Variants in CGN observed in about 807,000 individuals in gnomAD.
CGN encodes cingulin.
Under a neutral mutation model 157.1 loss-of-function variants are expected in CGN, and 121 were observed. That is an observed-to-expected ratio of 0.77 (90% CI 0.66 to 0.90). The LOEUF is 0.90. Ranked by LOEUF, CGN falls within the 40% of genes least tolerant of loss-of-function variation. The pLI, the probability that CGN is intolerant of heterozygous loss-of-function variation, is 0.00. For missense variants in CGN, 1,424 were observed against 1,520.9 expected (o/e 0.94, Z 1.06); for synonymous variants, 535 against 607.5 (o/e 0.88, Z 1.76).
At chr1:151,526,911 C>T in intron 9 of CGN, 64 bp from the exon 10 acceptor site, 2 of 1,602,284 alleles carry the variant, frequency 1.2e-6, no homozygotes, top group Non-Finnish European at 1.7e-6. Context: ...GTCATGCTAA[C>T]CTCCCCCAGG....
At chr1:151,520,134 C>T (rs929766325) in intron 2 of CGN, 32 bp from the exon 3 acceptor site, 3 of 1,398,496 alleles carry the variant, frequency 2.1e-6, no homozygotes, top group Middle Eastern at 2.1e-4. Flanking sequence ...TTCTTTCTTT[C>T]TTTTTTTTTT....
Position 151,526,093 on chromosome 1 carries a change from G to A in CGN, c.1763+303G>A, listed in dbSNP as rs191456269. Among the ~76,000 whole-genome samples the A allele has an allele frequency of 3.4e-4, 52 of 151,574 alleles. 1 individual carries two copies. The East Asian group carries it at 8.9e-3, about 26-fold the overall frequency. On this transcript the variant is annotated intron_variant, in intron 9 of 20. Transcript: ENST00000271636. ...TTACCATGTTGGCCAGGCCAGTCTC[G>A]AACTCCTGACCTCAGGTGATCTGTC...
rs1461752898 is a variant in CGN at position 151,525,770 on chromosome 1, TC to T, written c.1744del (p.Arg583GlufsTer25). 1.9e-6 allele frequency: 3 copies of T among 1,603,892 alleles called. No individual in the cohort carries two copies. In the Admixed American group the frequency reaches 5.1e-5, roughly 27 times the overall value. ...GTATGTTCCAGAAGAACAAGGAGGA[TC>T]TTAGAGCCACCAAGCAGGAGTAAGG... ...QSMFQKNKED[L>X]RATKQELLQL... On this transcript the variant is annotated frameshift_variant, in exon 9 of 21. Transcript: ENST00000271636. LOFTEE classifies it high-confidence loss of function.
Position 151,529,403 on chromosome 1 carries a change from C to G in CGN, c.1950C>G (p.Ser650Arg), listed in dbSNP as rs1190497081. Reference sequence around the variant, plus strand: ...AGGAACTGCAGGCAGAACGGCAGAGCCAGGAGGTGGCTGGGCGACACCGGG... The same window carrying G: ...AGGAACTGCAGGCAGAACGGCAGAGGCAGGAGGTGGCTGGGCGACACCGGG... ...ELKELQAERQSQEVAGRHRDR... is the reference protein window; with the variant it reads ...ELKELQAERQRQEVAGRHRDR... The change falls in exon 11 of 21, where the codon AGC (serine) becomes AGG (arginine). Residue 650 changes from serine to arginine, a missense_variant. Physicochemically the swap from Ser to Arg is moderately radical, Grantham distance 110. Coordinates refer to ENST00000271636, the MANE Select transcript of CGN (RefSeq NM_020770.3). The G allele has an allele frequency of 1.9e-6, 3 of 1,613,368 alleles. No individual in the cohort carries two copies. The highest frequency in any genetic ancestry group is 2.5e-6 in the Non-Finnish European group (3 of 1,179,790).
At chr1:151,535,989 A>C (rs185364455) in intron 18 of CGN, 91 bp downstream of exon 18, 1 of 1,009,130 alleles carries the variant, frequency 9.9e-7, no homozygotes, top group Non-Finnish European at 1.5e-6. Flanking sequence ...TCCATCTTCC[A>C]CCTCAGATAT....
At chr1:151,519,512 C>T (rs1664492728) in intron 2 of CGN, 120 bp downstream of exon 2, 2 of 853,572 alleles carry the variant, frequency 2.3e-6, no homozygotes, top group East Asian at 2.7e-5. Context: ...AACTCTCTGC[C>T]TTTTGTTCTC....
rs1664285607 is a variant in CGN, at chr1:151,511,442, G to GCCCGAA, written c.-83_-82insACCCGA. ...GAGCTGCGCGTGCTGCTTTGCCCGA[G>GCCCGAA]CCCGAGCCCGAGCCCGAGCCCGAGC... On this transcript the variant is annotated 5_prime_UTR_variant, in exon 1 of 21. Transcript: ENST00000271636. The surrounding 1 kb of genome is among the most constrained non-coding windows in gnomAD (Gnocchi z 4.8). The GCCCGAA allele has an allele frequency of 1.2e-5, 2 of 171,156 alleles. No homozygotes were observed. Among genetic ancestry groups the GCCCGAA allele is most frequent in the South Asian group, 2.0e-4 (2 of 10,036 alleles). The allele number at this position is 171,156 out of a possible 1,614,324, so 10.6% of individuals were successfully genotyped here.
In CGN at chr1:151,532,558, CG is replaced by C; in HGVS notation, c.2729del (p.Arg910HisfsTer55). On this transcript the variant is annotated frameshift_variant, in exon 14 of 21. Transcript: ENST00000271636. LOFTEE classifies it high-confidence loss of function. The part of the protein sequence containing the change: ...EAEKTSGGLS[R>X]LQDEIQRLRQ... ...TGAGAAGACCTCTGGAGGACTGAGC[CG>C]ACTTCAGGATGAGGTAGAAGTCTAA... 6.5e-7 allele frequency: 1 copy of C among 1,542,498 alleles called. No homozygotes were observed. Among genetic ancestry groups the C allele is most frequent in the South Asian group, 1.2e-5 (1 of 81,210 alleles).
chr1:151,535,132 G>A lies in CGN; in HGVS notation c.2994+1G>A. The A allele has an allele frequency of 6.2e-7, 1 of 1,612,326 alleles. No individual in the cohort carries two copies. The highest frequency in any genetic ancestry group is 8.5e-7 in the Non-Finnish European group (1 of 1,178,756). ...TCGGGTGAATCGTGGCCGGGACCAG[G>A]TAACCGCCCCCACCCCTCATCTCTG... On this transcript the variant is annotated splice_donor_variant, in intron 16 of 20. Coordinates refer to ENST00000271636, the MANE Select transcript of CGN (RefSeq NM_020770.3). LOFTEE classifies it high-confidence loss of function.
chr1:151,535,129 C>G lies in CGN; in HGVS notation c.2992C>G (p.Gln998Glu). The G allele has an allele frequency of 6.2e-7, 1 of 1,612,614 alleles. No individual in the cohort carries two copies. The highest frequency in any genetic ancestry group is 8.5e-7 in the Non-Finnish European group (1 of 1,178,938). The change falls in exon 16 of 21, where the codon CAG becomes GAG. Residue 998 changes from glutamine (Q) to glutamate (E), a missense_variant and splice_region_variant. Gln to Glu is a conservative substitution (Grantham distance 29). Coordinates refer to ENST00000271636, the MANE Select transcript of CGN (RefSeq NM_020770.3). ...AGATCGGGTGAATCGTGGCCGGGACCAGGTAACCGCCCCCACCCCTCATCT... is the reference window on the plus strand; with the variant it reads ...AGATCGGGTGAATCGTGGCCGGGACGAGGTAACCGCCCCCACCCCTCATCT... The part of the protein sequence containing the change: ...LTDRVNRGRD[Q>E]VDQLRTELMQ...
intron 10 of CGN, among the ~76,000 whole-genome samples, chr1:151,528,168 A>G (rs1255541492): frequency 6.8e-6 from 1 of 147,840 alleles, no homozygotes; most frequent in African/African-American, 2.5e-5. Context: ...TCAGTGTTTC[A>G]CCGTGAAACA....
In CGN at chr1:151,525,514, G is replaced by A. The variant is rs1017337966; in HGVS notation, c.1615-128G>A. On this transcript the variant is annotated intron_variant, in intron 8 of 20. Transcript: ENST00000271636. Reference sequence around the variant, plus strand: ...GCTAGCATTGTACCAGGTACCACAAGAGTGTCAGGGGGTGCACCTGGCATG... The same window carrying A: ...GCTAGCATTGTACCAGGTACCACAAAAGTGTCAGGGGGTGCACCTGGCATG... 29 of 575,702 alleles carry A rather than the reference G, an allele frequency of 5.0e-5. No individual in the cohort carries two copies. The African/African-American group carries it at 5.7e-4, about 11-fold the overall frequency. The allele number at this position is 575,702 out of a possible 1,614,324, so 35.7% of individuals were successfully genotyped here. A position where few individuals can be genotyped will look rare whatever the true frequency, so the allele number is the denominator to read the frequency against.
intron 14 of CGN, 84 bp from the exon 15 acceptor site, chr1:151,533,891 C>A: frequency 8.4e-7 from 1 of 1,195,732 alleles, no homozygotes; most frequent in Non-Finnish European, 1.2e-6. Context: ...TGAAATGTTT[C>A]TGCCCACTGG....
At chr1:151,532,958 C>T (rs566678283) in intron 14 of CGN, among the ~76,000 whole-genome samples, 1 of 152,188 alleles carries the variant, frequency 6.6e-6, no homozygotes, top group African/African-American at 2.4e-5. Context: ...CCAAGGGTCC[C>T]TGGGGCCCAG....
Position 151,536,320 on chromosome 1 carries a change from A to G in CGN, c.3281A>G (p.Gln1094Arg), listed in dbSNP as rs1664968479. ...TCCATCCAGATTGAAGACGAGCGGC[A>G]GCATGTCAATGACCAGAAAGACCAG... ...ELSIQIEDERQHVNDQKDQLS... is the reference protein window; with the variant it reads ...ELSIQIEDERRHVNDQKDQLS... The change falls in exon 19 of 21, where the codon CAG becomes CGG. Residue 1094 changes from glutamine (Q) to arginine (R), a missense_variant. By Grantham distance (43) the Gln-to-Arg change is conservative. Transcript: ENST00000271636. 6.2e-7 allele frequency: 1 copy of G among 1,610,350 alleles called. No individual in the cohort carries two copies. The highest frequency in any genetic ancestry group is 1.3e-5 in the African/African-American group (1 of 74,868).
At position 151,529,528 on chromosome 1, in the gene CGN, A is replaced by C. The variant is rs1253029751; in HGVS notation, c.2075A>C (p.Gln692Pro). ...CTCCAGCTACAAAAGACCCTCCAGC[A>C]ACTGCGACAGGACTGTGAAGAGGCT... is the stretch of plus-strand genomic sequence containing the variant. The part of the protein sequence containing the change: ...QNLQLQKTLQ[Q>P]LRQDCEEASK... The change falls in exon 11 of 21, where the codon CAA becomes CCA. Residue 692 changes from glutamine to proline, a missense_variant. Gln to Pro is a moderately conservative substitution (Grantham distance 76, BLOSUM62 -1). Coordinates refer to ENST00000271636, the MANE Select transcript of CGN (RefSeq NM_020770.3). 9.3e-6 allele frequency: 15 copies of C among 1,613,810 alleles called. No homozygotes were observed. Among genetic ancestry groups the C allele is most frequent in the Non-Finnish European group, 1.3e-5 (15 of 1,179,972 alleles).
At position 151,520,615 on chromosome 1, in the gene CGN, C is replaced by T. The variant is rs2102490691; in HGVS notation, c.1064C>T (p.Thr355Ile). ...TGGCAGATGGTTTCTTCTGGTTCTA[C>T]TAAGGCCGTGGCAGGGCAGGGTGAG... ...QPLVMVSSGS[T>I]KAVAGQGELT... is the part of the protein sequence containing the mutation. Residue 355 changes from threonine (T) to isoleucine (I), a missense_variant, in exon 5 of 21, where the codon ACT becomes ATT. Thr to Ile is a moderately conservative substitution (Grantham distance 89, BLOSUM62 -1). Transcript: ENST00000271636. The T allele has an allele frequency of 1.2e-6, 2 of 1,614,218 alleles. No individual in the cohort carries two copies. Among genetic ancestry groups the T allele is most frequent in the South Asian group, 2.2e-5 (2 of 91,080 alleles).
At chr1:151,521,004 T>A (rs926742042) in intron 5 of CGN, among the ~76,000 whole-genome samples, 5 of 152,200 alleles carry the variant, frequency 3.3e-5, no homozygotes, top group African/African-American at 9.7e-5. Flanking sequence ...AATTTTTTTT[T>A]ATCATTATCA....
chr1:151,536,592 ACCAT>A (rs1664974074), intron 19 of CGN, 134 bp from the exon 20 acceptor site: 1 of 757,634 alleles, frequency 1.3e-6, no homozygotes, highest in Non-Finnish European at 2.2e-6. Flanking sequence ...CCCTAAGACA[ACCAT>A]GTGAGGTTAA....
Sources: gnomAD v4.1 joint callset for allele counts (sites outside exome capture counted in the v4.1 genomes callset) on GRCh38, gnomAD v4.1.1 for gene constraint, Gnocchi (gnomAD v3.1) non-coding constraint, MANE v1.5 for transcripts, NCBI Gene and HGNC (gene_info 2026-07-23, HGNC 2026-07-21) for gene names.